PIP4K2A: variants seen among roughly 807,000 people sequenced by gnomAD.
PIP4K2A encodes the protein phosphatidylinositol-5-phosphate 4-kinase type 2 alpha.
In PIP4K2A, 14 loss-of-function variants were observed where a neutral mutation model predicts 42.9. That is an observed-to-expected ratio of 0.33 (90% CI 0.22 to 0.51). PIP4K2A has a LOEUF of 0.51. Among genes scored for constraint, PIP4K2A ranks in the 20% least tolerant of loss-of-function variants. The pLI, the probability that PIP4K2A is intolerant of heterozygous loss-of-function variation, is 0.97. For missense variants in PIP4K2A, 434 were observed against 519.8 expected, an observed-to-expected ratio of 0.83 and a Z score of 1.61; for synonymous variants, 192 against 192.2, an observed-to-expected ratio of 1.00 and a Z score of 0.01.
chr10:22,650,654 A>AT (rs1397237342), intron 1 of PIP4K2A, among the ~76,000 whole-genome samples: 3 of 152,208 alleles, frequency 2.0e-5, no homozygotes. Flanking sequence ...AAGAAAGTTA[A>AT]TGTTCTCAAC....
At chr10:22,630,522 T>C (rs1243661493) in intron 1 of PIP4K2A, among the ~76,000 whole-genome samples, 3 of 152,224 alleles carry the variant, frequency 2.0e-5, no homozygotes, top group Non-Finnish European at 4.4e-5. Flanking sequence ...TTCTTATACA[T>C]GAAATGGGGA....
At chr10:22,667,923 G>A (rs1354241718) in intron 1 of PIP4K2A, among the ~76,000 whole-genome samples, 1 of 131,602 alleles carries the variant, frequency 7.6e-6, no homozygotes, top group Non-Finnish European at 1.7e-5. Flanking sequence ...GTGTAGAGAG[G>A]GGGAGGGAGG....
chr10:22,541,653 T>C (rs1836117352), intron 8 of PIP4K2A, 151 bp downstream of exon 8: 1 of 878,382 alleles, frequency 1.1e-6, no homozygotes, highest in African/African-American at 1.7e-5. Context: ...AGCTTTAACA[T>C]ACTCTTGTCC....
chr10:22,628,950 G>C (rs1481843008), intron 1 of PIP4K2A, among the ~76,000 whole-genome samples: 1 of 152,088 alleles, frequency 6.6e-6, no homozygotes, highest in Non-Finnish European at 1.5e-5. Flanking sequence ...CTTCCATCAT[G>C]GCCTGAACAC....
At chr10:22,704,348 A>G (rs1184891438) in intron 1 of PIP4K2A, among the ~76,000 whole-genome samples, 1 of 152,146 alleles carries the variant, frequency 6.6e-6, no homozygotes, top group Non-Finnish European at 1.5e-5. Context: ...AGTGATGCTG[A>G]CTTGAGCAGT....
intron 5 of PIP4K2A, chr10:22,569,146 AAACTTG>A: frequency 1.1e-6 from 1 of 943,518 alleles, no homozygotes; most frequent in Non-Finnish European, 1.6e-6. Flanking sequence ...ACAGATGCGG[AAACTTG>A]AACGGAAGAG....
intron 1 of PIP4K2A, among the ~76,000 whole-genome samples, chr10:22,684,961 T>C (rs1839732271): frequency 6.6e-6 from 1 of 152,172 alleles, no homozygotes; most frequent in Non-Finnish European, 1.5e-5. Flanking sequence ...AACAGGGTGC[T>C]AGTAAGGGTT....
chr10:22,570,918 C>A (rs1262011482), intron 5 of PIP4K2A, among the ~76,000 whole-genome samples: 1 of 151,966 alleles, frequency 6.6e-6, no homozygotes, highest in Non-Finnish European at 1.5e-5. Flanking sequence ...AGCCACACAT[C>A]CTGGTTTTTG....
intron 4 of PIP4K2A, among the ~76,000 whole-genome samples, chr10:22,579,042 A>G (rs1564428571): frequency 6.6e-6 from 1 of 152,328 alleles, no homozygotes; most frequent in East Asian, 1.9e-4. Flanking sequence ...CACGATGGCC[A>G]CGACAAATGA....
intron 1 of PIP4K2A, among the ~76,000 whole-genome samples, chr10:22,678,478 G>T (rs910813054): frequency 2.6e-5 from 4 of 151,908 alleles, no homozygotes; most frequent in African/African-American, 9.7e-5. Context: ...GTTCTATGGG[G>T]AAAAGTCTGT....
intron 1 of PIP4K2A, among the ~76,000 whole-genome samples, chr10:22,669,528 A>G (rs1229119673): frequency 6.6e-6 from 1 of 152,250 alleles, no homozygotes; most frequent in East Asian, 1.9e-4. Flanking sequence ...CTATGAAAGA[A>G]AGAAGGAAAA....
chr10:22,556,737 G>A (rs1836560123), intron 6 of PIP4K2A, among the ~76,000 whole-genome samples: 1 of 152,180 alleles, frequency 6.6e-6, no homozygotes, highest in Admixed American at 6.5e-5. Flanking sequence ...CTAGGGAGCA[G>A]TGAACCCACT....
At chr10:22,562,644 CAG>C (rs973237239) in intron 6 of PIP4K2A, among the ~76,000 whole-genome samples, 5 of 152,166 alleles carry the variant, frequency 3.3e-5, no homozygotes, top group Admixed American at 2.6e-4. Context: ...ACTGCTGTAT[CAG>C]AGAGAGAAGG....
intron 1 of PIP4K2A, chr10:22,713,969 T>G: frequency 6.9e-6 from 3 of 433,966 alleles, no homozygotes; most frequent in South Asian, 3.4e-5. Context: ...CACCGGGCCA[T>G]AGATCTAAAG....
chr10:22,603,676 TACAA>T (rs1477669385), intron 3 of PIP4K2A, among the ~76,000 whole-genome samples: 3 of 152,134 alleles, frequency 2.0e-5, no homozygotes, highest in South Asian at 2.1e-4. Context: ...ATGTGGTAGG[TACAA>T]ACAAATACTT....
intron 1 of PIP4K2A, chr10:22,642,110 G>C (rs968266401): frequency 1.2e-4 from 19 of 152,344 alleles, no homozygotes; most frequent in African/African-American, 4.6e-4. Context: ...GAAACAGAGA[G>C]GTCCTGGCGG....
intron 6 of PIP4K2A, chr10:22,567,647 GTT>G (rs1564423998): frequency 2.7e-6 from 2 of 732,790 alleles, no homozygotes; most frequent in South Asian, 2.9e-5. Context: ...ACAAATAACT[GTT>G]TCACTATTCA....
chr10:22,556,896 T>C lies in PIP4K2A; in HGVS notation c.679-6124A>G, dbSNP rs143230961. ...GCATCACAGGCCTCAGCAAGTCTAC[T>C]GTAAGTCAACAGTAAGAAACACACT... On this transcript the variant is annotated intron_variant, in intron 6 of 9. Transcript: ENST00000376573. Among the ~76,000 whole-genome samples the C allele has an allele frequency of 2.0e-4, 30 of 152,348 alleles. No homozygotes were observed. In the East Asian group the frequency reaches 5.8e-3, roughly 29 times the overall value.
chr10:22,620,402 G>A (rs1414672344), intron 1 of PIP4K2A, among the ~76,000 whole-genome samples: 5 of 152,176 alleles, frequency 3.3e-5, no homozygotes, highest in African/African-American at 7.2e-5. Flanking sequence ...AGGGCCCCAG[G>A]CTCAGGGAGT....
Sources: gnomAD v4.1 joint callset for allele counts (sites outside exome capture counted in the v4.1 genomes callset) on GRCh38, gnomAD v4.1.1 for gene constraint, MANE v1.5 for transcripts, NCBI Gene and HGNC (gene_info 2026-07-23, HGNC 2026-07-21) for gene names.